Variants in ATP11A observed in about 807,000 individuals in gnomAD.
ATP11A encodes ATPase phospholipid transporting 11A.
ATP11A carries 81 observed loss-of-function variants against 154.4 expected under a neutral mutation model. That is an observed-to-expected ratio of 0.52 (90% confidence interval 0.44 to 0.63). The LOEUF is 0.63. Among genes scored for constraint, ATP11A ranks in the 30% least tolerant of loss-of-function variants. ATP11A has a pLI of 0.00. For missense variants in ATP11A, 1,316 were observed against 1,474.3 expected, an observed-to-expected ratio of 0.89 and a Z score of 1.76; for synonymous variants, 623 against 585.9, an observed-to-expected ratio of 1.06 and a Z score of -0.91.
intron 25 of ATP11A, among the ~76,000 whole-genome samples, chr13:112,863,263 A>G (rs373221946): frequency 0.017 from 399 of 24,050 alleles, no homozygotes; most frequent in Middle Eastern, 0.088. Context: ...ATTCAGTGCA[A>G]ACCATGCAGC....
chr13:112,832,788 T>A, intron 13 of ATP11A, 72 bp from the exon 14 acceptor site: 1 of 1,551,144 alleles, frequency 6.4e-7, no homozygotes, highest in Non-Finnish European at 8.8e-7. Flanking sequence ...TTGTTATCTC[T>A]CTGCGCCTGT....
At position 112,746,060 on chromosome 13, in the gene ATP11A, A is replaced by G. The variant is rs985323631; in HGVS notation, c.40-39075A>G. On this transcript the variant is annotated intron_variant, in intron 1 of 29. Coordinates refer to ENST00000375645, the MANE Select transcript of ATP11A (RefSeq NM_015205.3). This position sits in a 1 kb window ranked among gnomAD's most constrained non-coding sequence, Gnocchi z 4.1. Reference sequence around the variant, plus strand: ...GAATCACGTTCTGTTGTGTGTATACACCACGTTTTTCTTGTCCGTTCACCT... The same window carrying G: ...GAATCACGTTCTGTTGTGTGTATACGCCACGTTTTTCTTGTCCGTTCACCT... 1.2e-4 allele frequency: 18 copies of G among 148,922 alleles called. No individual in the cohort carries two copies. Among genetic ancestry groups the G allele is most frequent in the African/African-American group, 4.6e-4 (18 of 38,872 alleles). 9.2% of individuals were successfully genotyped at this position (148,922 alleles called of 1,614,324 possible). A position where few individuals can be genotyped will look rare whatever the true frequency, so the allele number is the denominator to read the frequency against.
At chr13:112,847,093 T>C (rs531001485) in intron 17 of ATP11A, among the ~76,000 whole-genome samples, 1 of 152,330 alleles carries the variant, frequency 6.6e-6, no homozygotes, top group South Asian at 2.1e-4. Context: ...ACTCAGGGAA[T>C]TCACTGGCTC....
intron 1 of ATP11A, among the ~76,000 whole-genome samples, chr13:112,720,102 G>C (rs1229408934): frequency 1.3e-5 from 2 of 152,210 alleles, no homozygotes; most frequent in African/African-American, 2.4e-5. Flanking sequence ...CTATTTTAAA[G>C]AGGTTTATTC....
At chr13:112,792,805 G>C (rs557060654) in intron 2 of ATP11A, among the ~76,000 whole-genome samples, 1 of 152,302 alleles carries the variant, frequency 6.6e-6, no homozygotes, top group South Asian at 2.1e-4. Context: ...ATCACTGCAT[G>C]CCTCCTTTTC....
In ATP11A at chr13:112,857,820, T is replaced by G. The variant is rs143949209; in HGVS notation, c.2421T>G (p.Ile807Met). ...CRMAPLQKAQIVKLIKFSKEH... is the reference protein window; with the variant it reads ...CRMAPLQKAQMVKLIKFSKEH... The stretch of plus-strand genomic sequence containing the variant: ...TTCCGCATTTCTTTCTTTTGCAGAT[T>G]GTTAAATTAATCAAATTTTCAAAAG... Residue 807 changes from isoleucine to methionine, a missense_variant and splice_region_variant, in exon 21 of 30, where the codon ATT (isoleucine) becomes ATG (methionine). Around this residue, in one of 5 missense-constraint regions of ATP11A, gnomAD observed 876 missense variants for 1,006.8 expected, o/e 0.87. Coordinates refer to ENST00000375645, the MANE Select transcript of ATP11A (RefSeq NM_015205.3). The G allele has an allele frequency of 1.2e-6, 2 of 1,612,912 alleles. No individual in the cohort carries two copies. The highest frequency in any genetic ancestry group is 2.7e-5 in the African/African-American group (2 of 75,040).
At position 112,780,386 on chromosome 13, in the gene ATP11A, C is replaced by T. The variant is rs564009240; in HGVS notation, c.40-4749C>T. On this transcript the variant is annotated intron_variant, in intron 1 of 29. Transcript: ENST00000375645. The stretch of plus-strand genomic sequence containing the variant: ...CATTTGCCCAGCCCCCGGCAGCCCC[C>T]GTCTCTGCGTTCGCCTTTTCTGGGC... 2.6e-5 allele frequency among the ~76,000 whole-genome samples: 4 copies of T among 152,260 alleles called. No homozygotes were observed. In the East Asian group the frequency reaches 5.8e-4, roughly 22 times the overall value.
At chr13:112,832,574 A>G (rs1032630980) in intron 13 of ATP11A, among the ~76,000 whole-genome samples, 4 of 151,942 alleles carry the variant, frequency 2.6e-5, no homozygotes, top group Non-Finnish European at 4.4e-5. Context: ...GTCACTTGCC[A>G]TTTCTGAGCG....
At chr13:112,821,241 A>G (rs929596836) in intron 8 of ATP11A, among the ~76,000 whole-genome samples, 1 of 152,216 alleles carries the variant, frequency 6.6e-6, no homozygotes, top group Non-Finnish European at 1.5e-5. Flanking sequence ...TTTATTGCTG[A>G]ACAACTTGGG....
chr13:112,832,820 G>A lies in ATP11A; in HGVS notation c.1396-40G>A, dbSNP rs204919. On this transcript the variant is annotated intron_variant, in intron 13 of 29. Coordinates refer to ENST00000375645, the MANE Select transcript of ATP11A (RefSeq NM_015205.3). ...CTGTTTCCCTCTATCTTCAGTGGAC[G>A]CACCGTGATTTGGGGGTTCTGGGAA... 0.022 allele frequency: 34,585 copies of A among 1,595,320 alleles called. 3,131 individuals are homozygous for A. In the African/African-American group the frequency reaches 0.26, roughly 12 times the overall value.
At chr13:112,818,031 T>C (rs2078690202) in intron 6 of ATP11A, among the ~76,000 whole-genome samples, 1 of 152,218 alleles carries the variant, frequency 6.6e-6, no homozygotes, top group African/African-American at 2.4e-5. Flanking sequence ...ATTAGAAAAT[T>C]CCTACTGAAT....
chr13:112,881,199 G>A (rs2080874064), intron 29 of ATP11A: 1 of 989,774 alleles, frequency 1.0e-6, no homozygotes, highest in African/African-American at 1.7e-5. Context: ...TCATCAGACA[G>A]ATGCGTGCTG....
intron 12 of ATP11A, among the ~76,000 whole-genome samples, chr13:112,829,367 A>T (rs529081274): frequency 4.1e-4 from 63 of 152,346 alleles, no homozygotes; most frequent in African/African-American, 1.5e-3. Flanking sequence ...AGCAGCATAC[A>T]AAAGGATCAT....
chr13:112,715,283 C>T lies in ATP11A; in HGVS notation c.39+24828C>T, dbSNP rs143575998. ...TCACCTGCCTGCTTCTACAGAGAGG[C>T]ACCAACCTGGGGTGACATGTGCACT... On this transcript the variant is annotated intron_variant, in intron 1 of 29. Coordinates refer to ENST00000375645, the MANE Select transcript of ATP11A (RefSeq NM_015205.3). Among the ~76,000 whole-genome samples the T allele has an allele frequency of 3.7e-3, 556 of 151,978 alleles. 4 individuals carry two copies. The highest frequency in any genetic ancestry group is 5.5e-3 in the Non-Finnish European group (375 of 67,946).
chr13:112,842,694 T>C (rs1169194880), intron 17 of ATP11A, among the ~76,000 whole-genome samples: 1 of 152,254 alleles, frequency 6.6e-6, no homozygotes, highest in African/African-American at 2.4e-5. Context: ...ATTAGCACGT[T>C]TGTGGTTATT....
intron 1 of ATP11A, among the ~76,000 whole-genome samples, chr13:112,768,242 C>T (rs1478917002): frequency 1.3e-5 from 2 of 152,270 alleles, no homozygotes; most frequent in African/African-American, 4.8e-5. Flanking sequence ...CAGCCCCAGG[C>T]GCCCGCCTCC....
At chr13:112,736,721 C>T (rs1023399069) in intron 1 of ATP11A, among the ~76,000 whole-genome samples, 1 of 152,138 alleles carries the variant, frequency 6.6e-6, no homozygotes. Context: ...AATGCACTGT[C>T]CATTTTAGGC....
intron 25 of ATP11A, among the ~76,000 whole-genome samples, chr13:112,867,798 G>A (rs1302539581): frequency 3.9e-5 from 6 of 152,210 alleles, no homozygotes; most frequent in Non-Finnish European, 1.5e-5. Context: ...CAGTCCTAGT[G>A]GCTGACAGCC....
chr13:112,692,312 C>T lies in ATP11A; in HGVS notation c.39+1857C>T, dbSNP rs189810033. ...TAAAAAGGAGGGTCACGTTGTGGGG[C>T]TAATGTGCAGCCTCTTTCCATAGAA... On this transcript the variant is annotated intron_variant, in intron 1 of 29. Coordinates refer to ENST00000375645, the MANE Select transcript of ATP11A (RefSeq NM_015205.3). Among the ~76,000 whole-genome samples the T allele has an allele frequency of 3.0e-4, 45 of 152,310 alleles. 1 individual carries two copies. The East Asian group carries it at 7.3e-3, about 25-fold the overall frequency.
Sources: allele counts gnomAD v4.1 joint callset (sites outside exome capture counted in the v4.1 genomes callset), GRCh38; gene constraint gnomAD v4.1.1; regional missense constraint gnomAD v4.1.1; non-coding constraint Gnocchi (gnomAD v3.1); transcripts MANE v1.5; gene names NCBI Gene and HGNC (gene_info 2026-07-23, HGNC 2026-07-21).